Variants in SCN7A observed in about 807,000 individuals in gnomAD.
SCN7A encodes the protein sodium voltage-gated channel alpha subunit 7, also known as sodium channel protein type 7 subunit alpha.
SCN7A carries 138 observed loss-of-function variants against 155.2 expected under a neutral mutation model. The observed-to-expected ratio is 0.89, with a 90% CI of 0.77 to 1.02. The LOEUF is 1.02. Ranked by LOEUF, SCN7A falls within the 50% of genes least tolerant of loss-of-function variation. SCN7A has a pLI of 0.00. For synonymous variants in SCN7A, 693 were observed against 649.0 expected (o/e 1.07, Z -1.03); for missense variants, 2,058 against 1,986.6 (o/e 1.04, Z -0.68).
chr2:166,414,893 T>C (rs1200713117), intron 21 of SCN7A, among the ~76,000 whole-genome samples: 1 of 71,030 alleles, frequency 1.4e-5, no homozygotes. Flanking sequence ...ATATATAATA[T>C]ATATTATTAT....
rs574249085 is a variant in SCN7A, at chr2:166,450,233, G to A, written c.1291-2525C>T. ...AGGAACAGAAAACCAAATACCATAC[G>A]TTCTCACTTTTAAGTGACAGCTAAA... On this transcript the variant is annotated intron_variant, in intron 11 of 25. Coordinates refer to ENST00000643258, the MANE Select transcript of SCN7A (RefSeq NM_002976.4). 2.3e-4 allele frequency among the ~76,000 whole-genome samples: 35 copies of A among 152,216 alleles called. No individual in the cohort carries two copies. In the East Asian group the frequency reaches 5.2e-3, roughly 23 times the overall value.
At chr2:166,409,317 G>A (rs1018111816) in intron 25 of SCN7A, among the ~76,000 whole-genome samples, 1 of 151,910 alleles carries the variant, frequency 6.6e-6, no homozygotes, top group African/African-American at 2.4e-5. Flanking sequence ...GAACCTGAAA[G>A]ATTACATCAT....
chr2:166,445,835 C>G (rs925773863), intron 12 of SCN7A, among the ~76,000 whole-genome samples: 1 of 152,196 alleles, frequency 6.6e-6, no homozygotes, highest in Admixed American at 6.5e-5. Context: ...ATGCAGAAAA[C>G]AGAAACTGGA....
chr2:166,432,712 G>T lies in SCN7A; in HGVS notation c.2198C>A (p.Ser733Ter), dbSNP rs1351714180. ...CTCTTCAGCTGTTACATCCTTGCAT[G>T]AACTAAATGAGCTCACCAATGCCAG... Reference protein sequence around the residue: ...LFLALVSSFSSCKDVTAEENN... With the variant: ...LFLALVSSFS Residue 733 changes from serine to a stop codon, truncating the protein, a stop_gained, in exon 16 of 26, where the codon TCA becomes TAA. Transcript: ENST00000643258. LOFTEE classifies it high-confidence loss of function. 12 of 1,572,196 alleles carry T rather than the reference G, an allele frequency of 7.6e-6. No individual in the cohort carries two copies. Among genetic ancestry groups the T allele is most frequent in the Non-Finnish European group, 9.4e-6 (11 of 1,164,114 alleles).
chr2:166,414,001 A>ATATATATATATATATATG (rs1701264505), intron 21 of SCN7A, among the ~76,000 whole-genome samples: 1 of 95,352 alleles, frequency 1.0e-5, no homozygotes, highest in African/African-American at 4.2e-5. Flanking sequence ...ATATATATAT[A>ATATATATATATATATATG]TAAATATACT....
chr2:166,411,249 T>C (rs982234669), intron 23 of SCN7A, among the ~76,000 whole-genome samples: 10 of 152,182 alleles, frequency 6.6e-5, no homozygotes, highest in African/African-American at 2.4e-4. Context: ...TTAAATTTCA[T>C]GTGGGTCTGA....
At chr2:166,412,426 T>C in intron 23 of SCN7A, 104 bp downstream of exon 23, 2 of 1,185,798 alleles carry the variant, frequency 1.7e-6, no homozygotes. Flanking sequence ...AAAAATGACA[T>C]TAAGCTGAAT....
At chr2:166,425,896 C>G (rs1701612770) in intron 18 of SCN7A, among the ~76,000 whole-genome samples, 2 of 152,186 alleles carry the variant, frequency 1.3e-5, no homozygotes, top group Middle Eastern at 6.8e-3. Flanking sequence ...TATCAGCCTA[C>G]AGGCTGGATC....
chr2:166,455,519 GAAC>G (rs756351708), intron 11 of SCN7A, among the ~76,000 whole-genome samples: 3 of 152,038 alleles, frequency 2.0e-5, no homozygotes, highest in Non-Finnish European at 2.9e-5. Flanking sequence ...CTAATAATGG[GAAC>G]AACAGACCTT....
Position 166,432,666 on chromosome 2 carries a change from G to C in SCN7A, c.2244C>G (p.Leu748=), listed in dbSNP as rs1332289509. The part of the protein sequence containing the change: ...TAEENNEAKN[L]QLAVARIKKG... Reference sequence around the variant, plus strand: ...TTTTAATTCTTGCCACTGCAAGCTGGAGATTTTTTGCTTCATTATTCTCTT... The same window carrying C: ...TTTTAATTCTTGCCACTGCAAGCTGCAGATTTTTTGCTTCATTATTCTCTT... Residue 748 remains leucine, a synonymous_variant, in exon 16 of 26, where the codon CTC becomes CTG. Transcript: ENST00000643258. The C allele has an allele frequency of 1.9e-6, 3 of 1,607,122 alleles. No individual in the cohort carries two copies. Among genetic ancestry groups the C allele is most frequent in the Admixed American group, 1.7e-5 (1 of 58,748 alleles).
chr2:166,413,784 G>A (rs1454827278), intron 21 of SCN7A, among the ~76,000 whole-genome samples: 2 of 150,380 alleles, frequency 1.3e-5, no homozygotes, highest in Non-Finnish European at 3.0e-5. Context: ...GACTGGCCTA[G>A]CCTCCCAGCC....
intron 3 of SCN7A, 133 bp downstream of exon 3, chr2:166,477,330 G>A (rs16852172): frequency 0.14 from 96,500 of 682,992 alleles, 7,555 homozygotes; most frequent in Middle Eastern, 0.18. Context: ...ATCTTATGTC[G>A]TTCTGTAAAA....
chr2:166,425,164 T>C (rs1275729229), intron 18 of SCN7A, among the ~76,000 whole-genome samples: 1 of 152,126 alleles, frequency 6.6e-6, no homozygotes, highest in Non-Finnish European at 1.5e-5. Context: ...TGAGTCTTTC[T>C]TGAGGATTAT....
chr2:166,428,619 A>G (rs1481988565), intron 17 of SCN7A, among the ~76,000 whole-genome samples: 2 of 152,076 alleles, frequency 1.3e-5, no homozygotes, highest in Admixed American at 1.3e-4. Context: ...AAATGGAGGT[A>G]GGTGGAGTTT....
At chr2:166,475,104 G>GTATATATATA (rs370064873) in intron 3 of SCN7A, among the ~76,000 whole-genome samples, 2 of 86,022 alleles carry the variant, frequency 2.3e-5, no homozygotes, top group African/African-American at 7.5e-5. Flanking sequence ...ACATATATAT[G>GTATATATATA]TATATATATA....
chr2:166,473,930 G>A (rs1008233231), intron 4 of SCN7A, 42 bp from the exon 5 acceptor site: 1 of 1,059,430 alleles, frequency 9.4e-7, no homozygotes, highest in Non-Finnish European at 1.4e-6. Context: ...AATAATATTG[G>A]AAAAGATATA....
At chr2:166,443,033 C>G (rs549172212) in intron 14 of SCN7A, among the ~76,000 whole-genome samples, 1 of 152,208 alleles carries the variant, frequency 6.6e-6, no homozygotes, top group East Asian at 1.9e-4. Context: ...AACGTTATTC[C>G]CTTGTTTAAT....
intron 23 of SCN7A, 151 bp downstream of exon 23, chr2:166,412,379 G>T (rs1701220446): frequency 2.1e-6 from 2 of 951,052 alleles, no homozygotes; most frequent in Non-Finnish European, 2.7e-6. Context: ...CAATGTGCAG[G>T]AACATTAATC....
intron 20 of SCN7A, among the ~76,000 whole-genome samples, chr2:166,418,342 G>T (rs2105384033): frequency 7.3e-6 from 1 of 136,542 alleles, no homozygotes; most frequent in East Asian, 2.2e-4. Context: ...ATGTTGGTCA[G>T]GTTGGTCTTG....
Sources: allele counts gnomAD v4.1 joint callset (sites outside exome capture counted in the v4.1 genomes callset), GRCh38; gene constraint gnomAD v4.1.1; transcripts MANE v1.5; gene names NCBI Gene and HGNC (gene_info 2026-07-23, HGNC 2026-07-21).